Variants in CARMIL1 observed in about 807,000 individuals in gnomAD.
The protein encoded by CARMIL1 is F-actin-uncapping protein LRRC16A.
Under a neutral mutation model 177.1 loss-of-function variants are expected in CARMIL1, and 90 were observed. The observed-to-expected ratio is 0.51, with a 90% CI of 0.43 to 0.61. The LOEUF (loss-of-function observed/expected upper bound fraction) is 0.61. Among genes scored for constraint, CARMIL1 ranks in the 20% least tolerant of loss-of-function variants. CARMIL1 has a pLI of 0.00. For synonymous variants in CARMIL1, 577 were observed against 606.2 expected, an observed-to-expected ratio of 0.95 and a Z score of 0.71; for missense variants, 1,380 against 1,667.0, an observed-to-expected ratio of 0.83 and a Z score of 3.00.
In CARMIL1 at chr6:25,600,761, A is replaced by G. The variant is rs1815320193; in HGVS notation, c.3552+15A>G. On this transcript the variant is annotated intron_variant, in intron 33 of 36. Transcript: ENST00000329474. ...GTGCGCAGAAGGTAAGGGTGGACCT[A>G]TTTTTAATTCATTCATTTATTTGAT... 2 of 1,462,996 alleles carry G rather than the reference A, an allele frequency of 1.4e-6. No individual in the cohort carries two copies. Among genetic ancestry groups the G allele is most frequent in the Admixed American group, 2.8e-5 (1 of 35,354 alleles). The allele number at this position is 1,462,996 out of a possible 1,614,324, so 90.6% of individuals were successfully genotyped here.
intron 31 of CARMIL1, among the ~76,000 whole-genome samples, chr6:25,586,314 A>G (rs894630102): frequency 2.1e-5 from 3 of 145,348 alleles, no homozygotes; most frequent in Non-Finnish European, 4.5e-5. Flanking sequence ...CAGTTCCCAG[A>G]CGGGGTCGCG....
chr6:25,619,026 C>T (rs1272841681), intron 36 of CARMIL1, among the ~76,000 whole-genome samples: 1 of 152,178 alleles, frequency 6.6e-6, no homozygotes, highest in African/African-American at 2.4e-5. Flanking sequence ...GTCCACCCAG[C>T]ATCTCCTCAA....
chr6:25,594,193 A>T (rs1022580812), intron 31 of CARMIL1, among the ~76,000 whole-genome samples: 2 of 152,198 alleles, frequency 1.3e-5, no homozygotes, highest in African/African-American at 4.8e-5. Flanking sequence ...GTCAGCATGA[A>T]TCTCCACAAG....
At chr6:25,535,581 G>T (rs1055436531) in intron 24 of CARMIL1, among the ~76,000 whole-genome samples, 2 of 152,088 alleles carry the variant, frequency 1.3e-5, no homozygotes, top group Admixed American at 6.5e-5. Context: ...AACACTATAG[G>T]GTTAGGGTGA....
intron 17 of CARMIL1, among the ~76,000 whole-genome samples, chr6:25,504,481 T>C (rs1254674777): frequency 1.3e-5 from 2 of 152,094 alleles, no homozygotes; most frequent in Non-Finnish European, 2.9e-5. Context: ...AAAAAAAAAG[T>C]TTCCTGTGGG....
At chr6:25,466,783 G>A (rs1044140333) in intron 9 of CARMIL1, among the ~76,000 whole-genome samples, 3 of 152,132 alleles carry the variant, frequency 2.0e-5, no homozygotes, top group Non-Finnish European at 4.4e-5. Flanking sequence ...GCCTGGGGTA[G>A]GGGTGGCCTA....
In CARMIL1 at chr6:25,576,947, T is replaced by A. The variant is rs1304975989; in HGVS notation, c.2743-3977T>A. The A allele has an allele frequency of 9.3e-6, 9 of 971,270 alleles. No individual in the cohort carries two copies. The African/African-American group carries it at 1.6e-4, about 17-fold the overall frequency. The allele number at this position is 971,270 out of a possible 1,614,324, so 60.2% of individuals were successfully genotyped here. ...TTGCTTTATCTCTCTTCCATTCATA[T>A]TTTTTTTCTTTCTTTTTGCTGCATG... On this transcript the variant is annotated intron_variant, in intron 29 of 36. Transcript: ENST00000329474.
chr6:25,471,374 T>C, intron 10 of CARMIL1, 117 bp downstream of exon 10: 1 of 610,194 alleles, frequency 1.6e-6, no homozygotes, highest in Non-Finnish European at 2.7e-6. Flanking sequence ...TACAGCAATG[T>C]TTTTCCTTCT....
intron 1 of CARMIL1, 103 bp downstream of exon 1, chr6:25,279,938 C>A: frequency 7.3e-7 from 1 of 1,365,360 alleles, no homozygotes; most frequent in Non-Finnish European, 1.0e-6. Flanking sequence ...GAAGTCTTGG[C>A]GCCCCTTAGG....
At chr6:25,360,658 G>A (rs997859993) in intron 2 of CARMIL1, among the ~76,000 whole-genome samples, 1 of 152,232 alleles carries the variant, frequency 6.6e-6, no homozygotes, top group Non-Finnish European at 1.5e-5. Flanking sequence ...TGCCCAAGAG[G>A]AGAGATTTGG....
At chr6:25,375,860 T>G (rs1365157089) in intron 2 of CARMIL1, among the ~76,000 whole-genome samples, 1 of 152,232 alleles carries the variant, frequency 6.6e-6, no homozygotes, top group Non-Finnish European at 1.5e-5. Flanking sequence ...AATATCTGTC[T>G]CTTTAGAAAA....
intron 29 of CARMIL1, among the ~76,000 whole-genome samples, chr6:25,580,653 A>G (rs1329090122): frequency 6.6e-6 from 1 of 152,182 alleles, no homozygotes. Flanking sequence ...ATCCTCTTAC[A>G]CAGCTTGGAA....
At chr6:25,429,895 G>C (rs950807065) in intron 4 of CARMIL1, among the ~76,000 whole-genome samples, 2 of 151,584 alleles carry the variant, frequency 1.3e-5, no homozygotes, top group Non-Finnish European at 2.9e-5. Flanking sequence ...CACCAGGCTG[G>C]AGTGCAGTGG....
intron 26 of CARMIL1, among the ~76,000 whole-genome samples, chr6:25,546,669 CAAAAA>C (rs58285338): frequency 2.6e-5 from 3 of 115,486 alleles, no homozygotes; most frequent in African/African-American, 9.8e-5. Flanking sequence ...ACAACAACAA[CAAAAA>C]AAAAAAAAAA....
intron 5 of CARMIL1, among the ~76,000 whole-genome samples, chr6:25,446,638 C>T (rs909018431): frequency 2.0e-4 from 30 of 152,312 alleles, no homozygotes; most frequent in Admixed American, 6.5e-4. Context: ...ATGGAAGTAG[C>T]GCTTTTAACT....
At position 25,577,968 on chromosome 6, in the gene CARMIL1, C is replaced by A. The variant is rs1455560458; in HGVS notation, c.2743-2956C>A. ...TTACATTTAAAATAAGGGTTTAACA[C>A]CTTTTTCCTCATACTTTTTTGGGAT... On this transcript the variant is annotated intron_variant, in intron 29 of 36. Transcript: ENST00000329474. The surrounding 1 kb of genome is among the most constrained non-coding windows in gnomAD (Gnocchi z 4.5). 6.6e-6 allele frequency among the ~76,000 whole-genome samples: 1 copy of A among 152,134 alleles called. No homozygotes were observed. Among genetic ancestry groups the A allele is most frequent in the Admixed American group, 6.5e-5 (1 of 15,274 alleles).
At chr6:25,452,220 A>T in intron 8 of CARMIL1, 3 of 749,328 alleles carry the variant, frequency 4.0e-6, no homozygotes, top group South Asian at 2.9e-5. Flanking sequence ...TCCAGTTCTC[A>T]GGCAATTTTT....
chr6:25,304,885 C>T (rs919989690), intron 2 of CARMIL1, among the ~76,000 whole-genome samples: 1 of 152,140 alleles, frequency 6.6e-6, no homozygotes, highest in African/African-American at 2.4e-5. Flanking sequence ...ATAGTTGAGT[C>T]CCTCAGTGAC....
chr6:25,466,396 G>C (rs903482328), intron 9 of CARMIL1, among the ~76,000 whole-genome samples: 2 of 152,112 alleles, frequency 1.3e-5, no homozygotes, highest in African/African-American at 4.8e-5. Flanking sequence ...TTCTAGATGG[G>C]GTTTTGGGTA....
Sources: allele counts gnomAD v4.1 joint callset (sites outside exome capture counted in the v4.1 genomes callset), GRCh38; gene constraint gnomAD v4.1.1; non-coding constraint Gnocchi (gnomAD v3.1); transcripts MANE v1.5; gene names NCBI Gene and HGNC (gene_info 2026-07-23, HGNC 2026-07-21).